ADPGK: variants seen among roughly 807,000 people sequenced by gnomAD.
The protein encoded by ADPGK is ADP dependent glucokinase, also known as ADP-dependent glucokinase.
ADPGK carries 26 observed loss-of-function variants against 42.4 expected under a neutral mutation model. The observed-to-expected ratio is 0.61, with a 90% CI of 0.45 to 0.85. ADPGK has a LOEUF of 0.85. Ranked by LOEUF, ADPGK falls within the 40% of genes least tolerant of loss-of-function variation. The pLI is 0.00. For missense variants in ADPGK, 571 were observed against 627.0 expected, an observed-to-expected ratio of 0.91 and a Z score of 0.95; for synonymous variants, 267 against 252.6, an observed-to-expected ratio of 1.06 and a Z score of -0.54.
intron 3 of ADPGK, among the ~76,000 whole-genome samples, chr15:72,770,597 G>C (rs1270570704): frequency 6.6e-6 from 1 of 152,144 alleles, no homozygotes; most frequent in Admixed American, 6.5e-5. Context: ...GTCAGCCCTG[G>C]AATTTCTAAT....
rs1389655797 is a variant in ADPGK, at chr15:72,752,701, C to G, written c.1134G>C (p.Arg378Ser). ...RSKSRASDLT[R>S]IHFHTLVYHI... ...GGTAGACCAGCGTGTGGAAATGGAT[C>G]CTGGTGAGATCCGAGGCTCTGCTTT... is the stretch of plus-strand genomic sequence containing the variant. The change falls in exon 7 of 7, where the codon AGG becomes AGC. Residue 378 changes from arginine (R) to serine (S), a missense_variant. Around this residue, in one of 2 missense-constraint regions of ADPGK, gnomAD observed 434 missense variants for 522.7 expected, o/e 0.83. Coordinates refer to ENST00000456471, the MANE Select transcript of ADPGK (RefSeq NM_001365225.1). The G allele has an allele frequency of 6.2e-7, 1 of 1,614,222 alleles. No individual in the cohort carries two copies. Among genetic ancestry groups the G allele is most frequent in the South Asian group, 1.1e-5 (1 of 91,086 alleles).
chr15:72,782,218 T>C (rs1334642211), intron 1 of ADPGK, among the ~76,000 whole-genome samples: 2 of 152,130 alleles, frequency 1.3e-5, no homozygotes, highest in South Asian at 2.1e-4. Flanking sequence ...TTGGTGAATA[T>C]CTGCTGAATG....
intron 3 of ADPGK, among the ~76,000 whole-genome samples, chr15:72,770,126 AG>A (rs1439164346): frequency 2.0e-5 from 3 of 152,212 alleles, no homozygotes; most frequent in African/African-American, 4.8e-5. Flanking sequence ...GGTGAAGTAA[AG>A]GCAGAGCCTG....
intron 3 of ADPGK, among the ~76,000 whole-genome samples, chr15:72,764,487 A>G (rs8036269): frequency 0.18 from 27,493 of 152,184 alleles, 2,848 homozygotes; most frequent in African/African-American, 0.28. Flanking sequence ...CTGCAAAAGA[A>G]AAGTCAGAAG....
chr15:72,755,591 T>A lies in ADPGK; in HGVS notation c.904A>T (p.Thr302Ser). 6.2e-7 allele frequency: 1 copy of A among 1,614,076 alleles called. No individual in the cohort carries two copies. The highest frequency in any genetic ancestry group is 1.3e-5 in the African/African-American group (1 of 75,036). Residue 302 changes from threonine to serine, a missense_variant, in exon 6 of 7, where the codon ACT becomes TCT. By Grantham distance (58) the Thr-to-Ser change is moderately conservative. Coordinates refer to ENST00000456471, the MANE Select transcript of ADPGK (RefSeq NM_001365225.1). ...IPVHLELASM[T>S]NRELMSSIVH... ...ATGCTGCTCATGAGCTCCCTGTTAG[T>A]CATACTGGCCAGCTCTAGGTGAACT...
chr15:72,771,370 C>T (rs62017599), intron 3 of ADPGK, among the ~76,000 whole-genome samples: 1 of 152,068 alleles, frequency 6.6e-6, no homozygotes, highest in African/African-American at 2.4e-5. Context: ...GTCTCAAGGC[C>T]CACATGCTCC....
intron 3 of ADPGK, among the ~76,000 whole-genome samples, chr15:72,770,122 G>A (rs570865432): frequency 6.6e-6 from 1 of 152,346 alleles, no homozygotes; most frequent in South Asian, 2.1e-4. Context: ...ACAGGGTGAA[G>A]TAAAGGCAGA....
rs755787183 is a variant in ADPGK at position 72,752,883 on chromosome 15, C to A, written c.952G>T (p.Ala318Ser). 8 of 1,609,592 alleles carry A rather than the reference C, an allele frequency of 5.0e-6. No individual in the cohort carries two copies. Among genetic ancestry groups the A allele is most frequent in the African/African-American group, 1.3e-5 (1 of 74,642 alleles). Residue 318 changes from alanine (A) to serine (S), a missense_variant, in exon 7 of 7, where the codon GCG (alanine) becomes TCG (serine). This residue lies in a region of ADPGK where 434 missense variants were observed against 522.7 expected (regional missense o/e 0.83). Transcript: ENST00000456471. Reference protein sequence around the residue: ...SSIVHQQVFPAVTSLGLNEQE... With the variant: ...SSIVHQQVFPSVTSLGLNEQE... The stretch of plus-strand genomic sequence containing the variant: ...TCATTCAGCCCAAGGGAAGTCACCG[C>A]GGGAAAGACCTGCTAACAAAAACAA...
chr15:72,765,074 T>C (rs1181275046), intron 3 of ADPGK, among the ~76,000 whole-genome samples: 1 of 151,872 alleles, frequency 6.6e-6, no homozygotes, highest in African/African-American at 2.4e-5. Context: ...CTGATGGAAA[T>C]GTATAAGGAG....
chr15:72,775,927 C>A (rs1369170150), intron 1 of ADPGK, among the ~76,000 whole-genome samples: 1 of 152,192 alleles, frequency 6.6e-6, no homozygotes, highest in African/African-American at 2.4e-5. Context: ...CATGAGATAT[C>A]TTGGGAATGC....
intron 3 of ADPGK, among the ~76,000 whole-genome samples, chr15:72,762,110 T>C (rs2066202903): frequency 6.6e-6 from 1 of 152,130 alleles, no homozygotes; most frequent in Non-Finnish European, 1.5e-5. Flanking sequence ...GACCTCGTGA[T>C]CCACCCGCCT....
chr15:72,752,470 C>A lies in ADPGK; in HGVS notation c.1365G>T (p.Trp455Cys). The A allele has an allele frequency of 6.2e-7, 1 of 1,614,216 alleles. No homozygotes were observed. The highest frequency in any genetic ancestry group is 8.5e-7 in the Non-Finnish European group (1 of 1,180,042). Reference protein sequence around the residue: ...VLNPNKPVVEWHREGISFHFT... With the variant: ...VLNPNKPVVECHREGISFHFT... ...AGTGGAAGGATATTCCCTCTCTGTG[C>A]CATTCTACTACTGGCTTGTTTGGGT... Residue 455 changes from tryptophan to cysteine, a missense_variant, in exon 7 of 7, where the codon TGG becomes TGT. By Grantham distance (215) the Trp-to-Cys change is radical (BLOSUM62 -2). This residue lies in a region of ADPGK where 434 missense variants were observed against 522.7 expected (regional missense o/e 0.83). Transcript: ENST00000456471.
chr15:72,757,534 T>G (rs2066133255), intron 4 of ADPGK: 1 of 153,100 alleles, frequency 6.5e-6, no homozygotes, highest in Middle Eastern at 3.1e-3. Flanking sequence ...AGTGTCTATC[T>G]CTGGCAGTAA....
rs962338686 is a variant in ADPGK, at chr15:72,783,239, G to A, written c.233+220C>T. On this transcript the variant is annotated intron_variant, in intron 1 of 6. Transcript: ENST00000456471. ...GATTAGCAAGAAGCTGTTAGGGCTG[G>A]TCCTACCGGGATGAGAGAAAGGCGC... 8 of 1,239,446 alleles carry A rather than the reference G, an allele frequency of 6.5e-6. No individual in the cohort carries two copies. The South Asian group carries it at 2.9e-4, about 46-fold the overall frequency. The allele number at this position is 1,239,446 out of a possible 1,614,324, so 76.8% of individuals were successfully genotyped here. A position where few individuals can be genotyped will look rare whatever the true frequency, so the allele number is the denominator to read the frequency against.
At chr15:72,767,485 G>C (rs554450622) in intron 3 of ADPGK, among the ~76,000 whole-genome samples, 1 of 151,644 alleles carries the variant, frequency 6.6e-6, no homozygotes, top group East Asian at 1.9e-4. Flanking sequence ...CAACAGAAAG[G>C]CTTATGTATA....
intron 4 of ADPGK, among the ~76,000 whole-genome samples, chr15:72,759,227 C>G (rs538117484): frequency 1.3e-5 from 2 of 152,324 alleles, no homozygotes; most frequent in South Asian, 4.1e-4. Flanking sequence ...TGAGCCACCA[C>G]GTGCGGCCAG....
chr15:72,775,104 G>C lies in ADPGK; in HGVS notation c.234-7C>G, dbSNP rs752686565. On this transcript the variant is annotated splice_region_variant and splice_polypyrimidine_tract_variant and intron_variant, in intron 1 of 6. Coordinates refer to ENST00000456471, the MANE Select transcript of ADPGK (RefSeq NM_001365225.1). ...ATCAACACATGCATTGACTCTAGAA[G>C]GAGGAAAAAAACTGTGTGAAAGCAG... The C allele has an allele frequency of 6.2e-7, 1 of 1,612,670 alleles. No individual in the cohort carries two copies. Among genetic ancestry groups the C allele is most frequent in the East Asian group, 2.2e-5 (1 of 44,872 alleles).
chr15:72,753,454 C>T (rs114601872), intron 6 of ADPGK, among the ~76,000 whole-genome samples: 1 of 152,174 alleles, frequency 6.6e-6, no homozygotes, highest in Non-Finnish European at 1.5e-5. Flanking sequence ...AAAAGATTAC[C>T]AAACAGGTGC....
rs943495702 is a variant in ADPGK at position 72,783,593 on chromosome 15, G to C, written c.99C>G (p.Arg33=). ...CCAGACACAGCGAGCTCCAGAGAGA[G>C]CGCAGCGCCGAGCCTGGCAGCTCTG... ...LEPELPGSAL[R]SLWSSLCLGP... is the part of the protein sequence containing the mutation. The change falls in exon 1 of 7, where the codon CGC becomes CGG. Residue 33 remains arginine, a synonymous_variant. Coordinates refer to ENST00000456471, the MANE Select transcript of ADPGK (RefSeq NM_001365225.1). 6.1e-5 allele frequency: 92 copies of C among 1,516,732 alleles called. No homozygotes were observed. Among genetic ancestry groups the C allele is most frequent in the Non-Finnish European group, 7.5e-5 (85 of 1,140,510 alleles). The allele number at this position is 1,516,732 out of a possible 1,614,324, so 94.0% of individuals were successfully genotyped here.
Sources: allele counts gnomAD v4.1 joint callset (sites outside exome capture counted in the v4.1 genomes callset), GRCh38; gene constraint gnomAD v4.1.1; regional missense constraint gnomAD v4.1.1; transcripts MANE v1.5; gene names NCBI Gene and HGNC (gene_info 2026-07-23, HGNC 2026-07-21).